The following AHI1 variants were observed in gnomAD, a reference collection of about 807,000 sequenced individuals.
AHI1 encodes jouberin.
Under a neutral mutation model 149.3 loss-of-function variants are expected in AHI1, and 123 were observed. That is an observed-to-expected ratio of 0.82 (90% CI 0.71 to 0.96). The LOEUF is 0.96. AHI1 is among the 40% of genes least tolerant of loss of function. The pLI is 0.00. For missense variants in AHI1, 1,439 were observed against 1,422.7 expected (o/e 1.01, Z -0.18); for synonymous variants, 475 against 459.8 (o/e 1.03, Z -0.42).
At chr6:135,333,245 A>G (rs555775135) in intron 24 of AHI1, among the ~76,000 whole-genome samples, 1 of 152,362 alleles carries the variant, frequency 6.6e-6, no homozygotes, top group East Asian at 1.9e-4. Flanking sequence ...CAATAATGTC[A>G]AAGATAAAAA....
intron 27 of AHI1, among the ~76,000 whole-genome samples, chr6:135,294,698 C>CAAAAAAAAAAAAAAAAAAACAAAAA (rs56734547): frequency 1.5e-5 from 1 of 68,020 alleles, no homozygotes; most frequent in African/African-American, 4.8e-5. Context: ...TCTCCAAATG[C>CAAAAAAAAAAAAAAAAAAACAAAAA]AAAAAAAAAA....
intron 20 of AHI1, among the ~76,000 whole-genome samples, chr6:135,417,310 T>A (rs1298364370): frequency 6.6e-6 from 1 of 152,058 alleles, no homozygotes; most frequent in Non-Finnish European, 1.5e-5. Context: ...CCAACCATGA[T>A]TTCATTTTAA....
At chr6:135,364,450 G>A (rs1475071105) in intron 23 of AHI1, among the ~76,000 whole-genome samples, 1 of 150,866 alleles carries the variant, frequency 6.6e-6, no homozygotes, top group African/African-American at 2.5e-5. Context: ...CCAGACGATG[G>A]GCGGCCAGGC....
At chr6:135,434,893 C>T (rs1470194679) in intron 15 of AHI1, among the ~76,000 whole-genome samples, 1 of 152,114 alleles carries the variant, frequency 6.6e-6, no homozygotes, top group Non-Finnish European at 1.5e-5. Flanking sequence ...GCCTCTCTGA[C>T]TGTATTAGAA....
Position 135,466,262 on chromosome 6 carries a change from A to G in AHI1, c.301T>C (p.Leu101=). 1 of 1,613,848 alleles carries G rather than the reference A, an allele frequency of 6.2e-7. No homozygotes were observed. The highest frequency in any genetic ancestry group is 8.5e-7 in the Non-Finnish European group (1 of 1,179,840). Residue 101 remains leucine (L), a synonymous_variant, in exon 7 of 29, where the codon TTG becomes CTG. Coordinates refer to ENST00000265602, the MANE Select transcript of AHI1 (RefSeq NM_001134831.2). ...KKSTRVTKNK[L]RNTQLATENP... ...TCAGTTGCTAACTGTGTGTTCCTCA[A>G]TTTGTTTTTAGTGACTCTCGTGCTC...
At chr6:135,452,003 G>C (rs979421361) in intron 11 of AHI1, among the ~76,000 whole-genome samples, 1 of 152,108 alleles carries the variant, frequency 6.6e-6, no homozygotes, top group African/African-American at 2.4e-5. Context: ...TAGCCAACCT[G>C]GTGGCTGTTC....
intron 23 of AHI1, among the ~76,000 whole-genome samples, chr6:135,368,502 G>T (rs1382036370): frequency 6.6e-6 from 1 of 152,158 alleles, no homozygotes; most frequent in African/African-American, 2.4e-5. Flanking sequence ...GAAAGACCAT[G>T]GTGGTGGTGG....
intron 23 of AHI1, among the ~76,000 whole-genome samples, chr6:135,368,383 C>T (rs909649359): frequency 1.3e-5 from 2 of 152,098 alleles, no homozygotes; most frequent in African/African-American, 4.8e-5. Flanking sequence ...AGGGTACAAG[C>T]TTGCCCTAGG....
intron 14 of AHI1, among the ~76,000 whole-genome samples, chr6:135,441,350 T>C (rs946914962): frequency 2.9e-5 from 4 of 139,736 alleles, no homozygotes; most frequent in South Asian, 2.5e-4. Flanking sequence ...CCACCAAGAG[T>C]ACCAACACAG....
chr6:135,476,420 G>A (rs918912040), intron 5 of AHI1, among the ~76,000 whole-genome samples: 8 of 150,958 alleles, frequency 5.3e-5, no homozygotes, highest in South Asian at 2.1e-4. Flanking sequence ...TGTCTGTCTC[G>A]GTGAATATTC....
intron 22 of AHI1, among the ~76,000 whole-genome samples, chr6:135,395,334 T>C (rs1779070400): frequency 6.6e-6 from 1 of 151,984 alleles, no homozygotes; most frequent in Admixed American, 6.6e-5. Flanking sequence ...TACTCATGTT[T>C]ATATACATCA....
chr6:135,382,369 T>C (rs1776882511), intron 23 of AHI1, among the ~76,000 whole-genome samples: 2 of 152,288 alleles, frequency 1.3e-5, no homozygotes, highest in South Asian at 4.1e-4. Flanking sequence ...TTCTAGAAAA[T>C]ACAAATCAAC....
At chr6:135,306,907 T>C (rs1200939080) in intron 26 of AHI1, 1 of 152,242 alleles carries the variant, frequency 6.6e-6, no homozygotes, top group Non-Finnish European at 1.5e-5. Context: ...AGCACCAGAA[T>C]GCACTCCCTT....
intron 28 of AHI1, among the ~76,000 whole-genome samples, chr6:135,288,857 CT>C (rs751304616): frequency 4.6e-5 from 7 of 151,762 alleles, no homozygotes; most frequent in Non-Finnish European, 1.0e-4. Flanking sequence ...AAAAAAAACC[CT>C]AACATATTAC....
In AHI1 at chr6:135,452,207, T is replaced by C. The variant is rs1399730390; in HGVS notation, c.1440+1134A>G. 2.0e-5 allele frequency among the ~76,000 whole-genome samples: 3 copies of C among 152,344 alleles called. No individual in the cohort carries two copies. The East Asian group carries it at 5.8e-4, about 29-fold the overall frequency. On this transcript the variant is annotated intron_variant, in intron 11 of 28. Transcript: ENST00000265602. Reference sequence around the variant, plus strand: ...TGAATGTACTGAATTTAGCAGACTGTCTCACATTTTATAGATCATATTTGT... The same window carrying C: ...TGAATGTACTGAATTTAGCAGACTGCCTCACATTTTATAGATCATATTTGT...
At chr6:135,431,526 T>C (rs1784659319) in intron 16 of AHI1, among the ~76,000 whole-genome samples, 1 of 152,158 alleles carries the variant, frequency 6.6e-6, no homozygotes, top group Admixed American at 6.5e-5. Context: ...TTTTAAATTA[T>C]TTTTGATGAC....
Position 135,404,947 on chromosome 6 carries a change from T to G in AHI1, c.2988+4A>C. ...TTATCTTCCTGGTAATAAAAACTACTTACTTTTGCAGCACAGGAACGTATC... is the reference window on the plus strand; with the variant it reads ...TTATCTTCCTGGTAATAAAAACTACGTACTTTTGCAGCACAGGAACGTATC... On this transcript the variant is annotated splice_donor_region_variant and intron_variant, in intron 22 of 28. Transcript: ENST00000265602. The G allele has an allele frequency of 6.2e-7, 1 of 1,608,128 alleles. No homozygotes were observed. Among genetic ancestry groups the G allele is most frequent in the Non-Finnish European group, 8.5e-7 (1 of 1,175,118 alleles).
intron 9 of AHI1, among the ~76,000 whole-genome samples, chr6:135,456,925 T>C (rs1441124884): frequency 6.6e-6 from 1 of 152,232 alleles, no homozygotes; most frequent in Non-Finnish European, 1.5e-5. Context: ...AATGCAACTT[T>C]ATGTCATAAA....
intron 24 of AHI1, among the ~76,000 whole-genome samples, chr6:135,323,666 T>C (rs958145067): frequency 4.0e-5 from 6 of 151,838 alleles, no homozygotes; most frequent in Non-Finnish European, 8.8e-5. Context: ...ACTACCTTTA[T>C]GTCTCATTCT....
Sources: gnomAD v4.1 joint callset for allele counts (sites outside exome capture counted in the v4.1 genomes callset) on GRCh38, gnomAD v4.1.1 for gene constraint, MANE v1.5 for transcripts, NCBI Gene and HGNC (gene_info 2026-07-23, HGNC 2026-07-21) for gene names.